SRL: variants seen among roughly 807,000 people sequenced by gnomAD.
The protein encoded by SRL is sarcalumenin.
Under a neutral mutation model 39.5 loss-of-function variants are expected in SRL, and 23 were observed. The observed-to-expected ratio is 0.58, with a 90% confidence interval of 0.42 to 0.82. SRL has a LOEUF of 0.82. Ranked by LOEUF, SRL falls within the 40% of genes least tolerant of loss-of-function variation. The pLI, the probability that SRL is intolerant of heterozygous loss-of-function variation, is 0.00. For missense variants in SRL, 592 were observed against 607.8 expected (o/e 0.97, Z 0.27); for synonymous variants, 272 against 237.4 (o/e 1.15, Z -1.34).
Position 4,196,563 on chromosome 16 carries a change from C to A in SRL, c.377-777G>T, listed in dbSNP as rs992054074. ...GTGGCATGATCTCAGCTCACTGCAA[C>A]CTCCGCCCCCGGGTTCAAGCGATTC... On this transcript the variant is annotated intron_variant, in intron 4 of 5. Coordinates refer to ENST00000399609, the MANE Select transcript of SRL (RefSeq NM_001098814.2). Among the ~76,000 whole-genome samples the A allele has an allele frequency of 6.0e-5, 9 of 150,746 alleles. No homozygotes were observed. In the South Asian group the frequency reaches 1.9e-3, roughly 32 times the overall value.
intron 3 of SRL, among the ~76,000 whole-genome samples, chr16:4,202,106 T>C (rs1237076131): frequency 1.3e-5 from 2 of 152,200 alleles, no homozygotes; most frequent in Non-Finnish European, 2.9e-5. Flanking sequence ...TTCCAGAGCA[T>C]GGCGTGGTCA....
At chr16:4,210,326 C>A (rs1304587571) in intron 1 of SRL, among the ~76,000 whole-genome samples, 1 of 152,146 alleles carries the variant, frequency 6.6e-6, no homozygotes, top group Non-Finnish European at 1.5e-5. Context: ...GTCCTCTGAA[C>A]AGCAGGATAC....
chr16:4,228,541 C>T (rs1011863771), intron 1 of SRL, among the ~76,000 whole-genome samples: 10 of 152,128 alleles, frequency 6.6e-5, no homozygotes, highest in South Asian at 4.2e-4. Flanking sequence ...CGAGACCATC[C>T]TGGCTAACAC....
intron 1 of SRL, among the ~76,000 whole-genome samples, chr16:4,221,264 G>T (rs543704997): frequency 6.6e-6 from 1 of 152,200 alleles, no homozygotes; most frequent in Non-Finnish European, 1.5e-5. Flanking sequence ...AGCCAGGATG[G>T]TCTCGATCTC....
intron 1 of SRL, among the ~76,000 whole-genome samples, chr16:4,230,627 T>G (rs960484333): frequency 2.0e-5 from 3 of 151,792 alleles, no homozygotes; most frequent in African/African-American, 7.3e-5. Context: ...GACCTCGTGA[T>G]CCGCACCCCC....
In SRL at chr16:4,190,325, G is replaced by A. The variant is rs957445469; in HGVS notation, c.*1828C>T. ...TCTGCCTGCCTTTCCACTGTCCTGG[G>A]TCCAGGATGACTTCCTGGTGCTGAG... On this transcript the variant is annotated 3_prime_UTR_variant, in exon 6 of 6. Transcript: ENST00000399609. 3 of 398,926 alleles carry A rather than the reference G, an allele frequency of 7.5e-6. No individual in the cohort carries two copies. 24.7% of individuals were successfully genotyped at this position (398,926 alleles called of 1,614,324 possible). A position where few individuals can be genotyped will look rare whatever the true frequency, so the allele number is the denominator to read the frequency against.
chr16:4,212,428 C>T (rs1044133667), intron 1 of SRL, among the ~76,000 whole-genome samples: 3 of 152,176 alleles, frequency 2.0e-5, no homozygotes, highest in African/African-American at 7.2e-5. Context: ...TCACTTCCAT[C>T]GCATGACATC....
At chr16:4,212,621 G>A (rs2141045064) in intron 1 of SRL, among the ~76,000 whole-genome samples, 1 of 152,308 alleles carries the variant, frequency 6.6e-6, no homozygotes, top group Non-Finnish European at 1.5e-5. Flanking sequence ...TGTATGTGCT[G>A]CTGCCAGGGT....
chr16:4,214,870 C>T (rs1166244803), intron 1 of SRL, among the ~76,000 whole-genome samples: 3 of 151,722 alleles, frequency 2.0e-5, no homozygotes, highest in South Asian at 2.1e-4. Context: ...TGGGTTCAAG[C>T]GATTCTCCTG....
intron 3 of SRL, among the ~76,000 whole-genome samples, chr16:4,198,692 C>T (rs2052181294): frequency 6.6e-6 from 1 of 152,150 alleles, no homozygotes; most frequent in South Asian, 2.1e-4. Context: ...AAGCAATCTT[C>T]TCACTTGGCT....
At chr16:4,216,806 G>A (rs2052466157) in intron 1 of SRL, among the ~76,000 whole-genome samples, 1 of 152,168 alleles carries the variant, frequency 6.6e-6, no homozygotes, top group Non-Finnish European at 1.5e-5. Flanking sequence ...TGCAGGCTGG[G>A]TTCTGAGACA....
At chr16:4,207,510 A>G (rs767203427) in intron 1 of SRL, 1 of 455,906 alleles carries the variant, frequency 2.2e-6, no homozygotes, top group South Asian at 1.6e-5. Flanking sequence ...CAGTGGGCCG[A>G]CCCCATCACC....
chr16:4,190,189 C>T lies in SRL; in HGVS notation c.*1964G>A. On this transcript the variant is annotated 3_prime_UTR_variant, in exon 6 of 6. Transcript: ENST00000399609. ...GCAACGGCCCCTGTGACAGCATGCA[C>T]CAGAGTGATAACAATTCTGAGAACC... is the stretch of plus-strand genomic sequence containing the variant. 2.5e-6 allele frequency: 1 copy of T among 398,278 alleles called. No homozygotes were observed. Among genetic ancestry groups the T allele is most frequent in the Non-Finnish European group, 4.4e-6 (1 of 226,132 alleles). The allele number at this position is 398,278 out of a possible 1,614,324, so 24.7% of individuals were successfully genotyped here.
chr16:4,206,489 G>A lies in SRL; in HGVS notation c.62-1855C>T, dbSNP rs141485562. Among the ~76,000 whole-genome samples, 254 of 152,282 alleles carry A rather than the reference G, an allele frequency of 1.7e-3. 2 individuals are homozygous for A. Among genetic ancestry groups the A allele is most frequent in the African/African-American group, 4.9e-3 (202 of 41,550 alleles). On this transcript the variant is annotated intron_variant, in intron 1 of 5. Transcript: ENST00000399609. ...CGGCGCATCAGGGACCCTAAGGGGA[G>A]GTTCTGGGGCCCCTGACTCGGAAGT...
intron 1 of SRL, among the ~76,000 whole-genome samples, chr16:4,223,378 AC>A (rs977220977): frequency 7.2e-6 from 1 of 138,090 alleles, no homozygotes; most frequent in African/African-American, 2.7e-5. Context: ...TCAGGAATCC[AC>A]CTTTTTTTTA....
At chr16:4,218,696 C>T (rs2052488417) in intron 1 of SRL, among the ~76,000 whole-genome samples, 1 of 152,238 alleles carries the variant, frequency 6.6e-6, no homozygotes, top group East Asian at 1.9e-4. Flanking sequence ...AAATGCCACA[C>T]CCAGAGTGCC....
At chr16:4,202,827 C>T (rs1214298850) in intron 3 of SRL, among the ~76,000 whole-genome samples, 1 of 152,124 alleles carries the variant, frequency 6.6e-6, no homozygotes, top group African/African-American at 2.4e-5. Context: ...CACCTGTGGC[C>T]TCTGGAGCAC....
At chr16:4,204,451 C>T in intron 2 of SRL, 82 bp downstream of exon 2, 1 of 845,196 alleles carries the variant, frequency 1.2e-6, no homozygotes, top group Non-Finnish European at 1.7e-6. Context: ...CACGCCCTGG[C>T]TCTCAGGAGC....
At chr16:4,229,223 C>T (rs1478773031) in intron 1 of SRL, among the ~76,000 whole-genome samples, 2 of 152,070 alleles carry the variant, frequency 1.3e-5, no homozygotes, top group African/African-American at 2.4e-5. Flanking sequence ...GCGGGTGGAT[C>T]ACAAGGACAG....
Sources: gnomAD v4.1 joint callset for allele counts (sites outside exome capture counted in the v4.1 genomes callset) on GRCh38, gnomAD v4.1.1 for gene constraint, MANE v1.5 for transcripts, NCBI Gene and HGNC (gene_info 2026-07-23, HGNC 2026-07-21) for gene names.